MTMR9: variants seen among roughly 807,000 people sequenced by gnomAD.
The protein encoded by MTMR9 is myotubularin related protein 9.
Under a neutral mutation model 69.5 loss-of-function variants are expected in MTMR9, and 39 were observed. That is an observed-to-expected ratio of 0.56 (90% CI 0.43 to 0.73). The LOEUF (loss-of-function observed/expected upper bound fraction) is 0.73, where lower values mean the gene tolerates loss of function less well. Among genes scored for constraint, MTMR9 ranks in the 30% least tolerant of loss-of-function variants. The probability of loss-of-function intolerance (pLI) is 0.00; values close to 1 mark genes in which losing one functional copy is unlikely to be tolerated. For missense variants in MTMR9, 900 were observed against 671.2 expected, an observed-to-expected ratio of 1.34 and a Z score of -3.77; for synonymous variants, 354 against 240.8, an observed-to-expected ratio of 1.47 and a Z score of -4.35.
At chr8:11,315,772 A>G (rs989567423) in intron 7 of MTMR9, 1 of 152,234 alleles carries the variant, frequency 6.6e-6, no homozygotes, top group African/African-American at 2.4e-5. Flanking sequence ...GTCAGACCAT[A>G]CTAAGTTTAT....
At chr8:11,289,254 G>T (rs931761796) in intron 1 of MTMR9, among the ~76,000 whole-genome samples, 1 of 152,204 alleles carries the variant, frequency 6.6e-6, no homozygotes, top group Non-Finnish European at 1.5e-5. Context: ...AAGTGGAGCT[G>T]CCTTGCCTTG....
At chr8:11,299,068 A>G (rs553665022) in intron 2 of MTMR9, among the ~76,000 whole-genome samples, 1 of 152,282 alleles carries the variant, frequency 6.6e-6, no homozygotes, top group African/African-American at 2.4e-5. Flanking sequence ...TGGCTCACAC[A>G]TGTAATCCCA....
chr8:11,312,998 C>T lies in MTMR9; in HGVS notation c.972-1925C>T, dbSNP rs186698202. ...GACTTAAACTATTCAGTAAACTATG[C>T]TGTAAACAGACATGCTGTCATGCAG... On this transcript the variant is annotated intron_variant, in intron 6 of 9. Coordinates refer to ENST00000221086, the MANE Select transcript of MTMR9 (RefSeq NM_015458.4). Among the ~76,000 whole-genome samples, 203 of 152,360 alleles carry T rather than the reference C, an allele frequency of 1.3e-3. 1 individual carries two copies. Among genetic ancestry groups the T allele is most frequent in the African/African-American group, 4.3e-3 (180 of 41,592 alleles).
rs1585130025 is a variant in MTMR9 at position 11,315,068 on chromosome 8, A to G, written c.1113+4A>G. The G allele has an allele frequency of 1.2e-6, 2 of 1,612,136 alleles. No homozygotes were observed. Among genetic ancestry groups the G allele is most frequent in the Non-Finnish European group, 1.7e-6 (2 of 1,178,436 alleles). On this transcript the variant is annotated splice_donor_region_variant and intron_variant, in intron 7 of 9. Coordinates refer to ENST00000221086, the MANE Select transcript of MTMR9 (RefSeq NM_015458.4). ...GATTGAAAGAGAGTGGCTGCAGGTG[A>G]GAAGAGCTGTTTGATTCACAGAGGA...
At chr8:11,289,215 A>G (rs543831451) in intron 1 of MTMR9, among the ~76,000 whole-genome samples, 1 of 152,302 alleles carries the variant, frequency 6.6e-6, no homozygotes, top group African/African-American at 2.4e-5. Context: ...GTGTAGTCAC[A>G]AGGAATCTGA....
intron 6 of MTMR9, among the ~76,000 whole-genome samples, chr8:11,309,970 A>G (rs1202590484): frequency 6.6e-6 from 1 of 152,118 alleles, no homozygotes; most frequent in Non-Finnish European, 1.5e-5. Flanking sequence ...CCCTTAAATC[A>G]TGAATTTGCC....
intron 2 of MTMR9, among the ~76,000 whole-genome samples, chr8:11,296,674 A>G (rs2117375875): frequency 6.6e-6 from 1 of 152,316 alleles, no homozygotes; most frequent in South Asian, 2.1e-4. Flanking sequence ...TTCACTTAGC[A>G]TAATATCCTC....
chr8:11,312,872 T>C (rs1800258986), intron 6 of MTMR9, among the ~76,000 whole-genome samples: 2 of 152,218 alleles, frequency 1.3e-5, no homozygotes, highest in African/African-American at 2.4e-5. Flanking sequence ...TTCATCTCCA[T>C]GTACCTCTCC....
chr8:11,300,881 G>A (rs188136764), intron 3 of MTMR9: 1 of 152,314 alleles, frequency 6.6e-6, no homozygotes, highest in South Asian at 2.1e-4. Flanking sequence ...TATTGTTCAG[G>A]TTAGTGGTTG....
intron 6 of MTMR9, among the ~76,000 whole-genome samples, chr8:11,311,507 T>A (rs935863495): frequency 1.3e-5 from 2 of 152,248 alleles, no homozygotes; most frequent in Non-Finnish European, 2.9e-5. Flanking sequence ...TAAAGTTATG[T>A]TTACACTATA....
At chr8:11,288,240 TAA>T in intron 1 of MTMR9, among the ~76,000 whole-genome samples, 1 of 137,304 alleles carries the variant, frequency 7.3e-6, no homozygotes, top group South Asian at 2.1e-4. Context: ...TATATAATAA[TAA>T]TAATTATATT....
chr8:11,322,399 G>T (rs1488405586), intron 9 of MTMR9, among the ~76,000 whole-genome samples: 2 of 152,182 alleles, frequency 1.3e-5, no homozygotes, highest in African/African-American at 4.8e-5. Flanking sequence ...GAATCAATGA[G>T]CATGTACATA....
At chr8:11,331,524 G>T, downstream of MTMR9, 2 of 1,613,838 alleles carry the variant, frequency 1.2e-6, no homozygotes, top group South Asian at 1.1e-5. Context: ...TTCTTCCACC[G>T]TATGCTCCGC....
In MTMR9 at chr8:11,304,935, A is replaced by C; in HGVS notation, c.512A>C (p.Glu171Ala). 1 of 1,614,026 alleles carries C rather than the reference A, an allele frequency of 6.2e-7. No individual in the cohort carries two copies. The change falls in exon 4 of 10, where the codon GAA (glutamate) becomes GCA (alanine). Residue 171 changes from glutamate (E) to alanine (A), a missense_variant. By Grantham distance (107) the Glu-to-Ala change is moderately radical. Coordinates refer to ENST00000221086, the MANE Select transcript of MTMR9 (RefSeq NM_015458.4). Reference sequence around the variant, plus strand: ...ACAGTGCCCAAATCCATCGATGATGAAGCTCTTCGGAAGGTAGCTACATTT... The same window carrying C: ...ACAGTGCCCAAATCCATCGATGATGCAGCTCTTCGGAAGGTAGCTACATTT... Reference protein sequence around the residue: ...IVTVPKSIDDEALRKVATFRH... With the variant: ...IVTVPKSIDDAALRKVATFRH...
At chr8:11,294,247 ATAACCTTG>A (rs1799470419) in intron 1 of MTMR9, among the ~76,000 whole-genome samples, 1 of 152,170 alleles carries the variant, frequency 6.6e-6, no homozygotes, top group Non-Finnish European at 1.5e-5. Context: ...TGCACTAGTT[ATAACCTTG>A]AGTGCAATGT....
In MTMR9 at chr8:11,324,721, G is replaced by C. The variant is rs79618563; in HGVS notation, c.*1933G>C. The C allele has an allele frequency of 1.3e-5, 2 of 152,104 alleles. No individual in the cohort carries two copies. Among genetic ancestry groups the C allele is most frequent in the African/African-American group, 4.8e-5 (2 of 41,372 alleles). 9.4% of individuals were successfully genotyped at this position (152,104 alleles called of 1,614,324 possible). A position where few individuals can be genotyped will look rare whatever the true frequency, so the allele number is the denominator to read the frequency against. On this transcript the variant is annotated 3_prime_UTR_variant, in exon 10 of 10. Transcript: ENST00000221086. Reference sequence around the variant, plus strand: ...AAGTGACTCCCATTAGCCTGGTGTGGTGGTGTGTGCCTATAGTCCCAGCCA... The same window carrying C: ...AAGTGACTCCCATTAGCCTGGTGTGCTGGTGTGTGCCTATAGTCCCAGCCA...
In MTMR9 at chr8:11,284,977, G is replaced by A; in HGVS notation, c.89G>A (p.Cys30Tyr). The change falls in exon 1 of 10, where the codon TGC (cysteine) becomes TAC (tyrosine). Residue 30 changes from cysteine (C) to tyrosine (Y), a missense_variant. Coordinates refer to ENST00000221086, the MANE Select transcript of MTMR9 (RefSeq NM_015458.4). The part of the protein sequence containing the change: ...PFYPAVEGTL[C>Y]LTGHHLILSS... Reference sequence around the variant, plus strand: ...TACCCGGCTGTCGAGGGCACCCTGTGCCTGACGGGCCACCACTTGATCCTG... The same window carrying A: ...TACCCGGCTGTCGAGGGCACCCTGTACCTGACGGGCCACCACTTGATCCTG... 6.2e-7 allele frequency: 1 copy of A among 1,613,994 alleles called. No individual in the cohort carries two copies. Among genetic ancestry groups the A allele is most frequent in the Non-Finnish European group, 8.5e-7 (1 of 1,179,968 alleles).
At chr8:11,331,429 C>T (rs1266742027), downstream of MTMR9, 1 of 1,614,032 alleles carries the variant, frequency 6.2e-7, no homozygotes, top group Non-Finnish European at 8.5e-7. Flanking sequence ...TGCTTCTGTG[C>T]CCTGCTCAAC....
At chr8:11,297,963 T>C (rs1799618089) in intron 2 of MTMR9, 1 of 456,124 alleles carries the variant, frequency 2.2e-6, no homozygotes. Context: ...TGAGTAGTAA[T>C]TGAATTTTTC....
Sources: gnomAD v4.1 joint callset for allele counts (sites outside exome capture counted in the v4.1 genomes callset) on GRCh38, gnomAD v4.1.1 for gene constraint, MANE v1.5 for transcripts, NCBI Gene and HGNC (gene_info 2026-07-23, HGNC 2026-07-21) for gene names.